The following CCDC57 variants were observed in gnomAD, a reference collection of about 807,000 sequenced individuals.
The protein encoded by CCDC57 is coiled-coil domain-containing protein 57.
In CCDC57, 118 loss-of-function variants were observed where a neutral mutation model predicts 118.9. The observed-to-expected ratio is 0.99, with a 90% CI of 0.86 to 1.16. CCDC57 has a LOEUF of 1.16. Ranked by LOEUF, CCDC57 falls within the 50% of genes most tolerant of loss-of-function variation. The pLI, the probability that CCDC57 is intolerant of heterozygous loss-of-function variation, is 0.00. For missense variants in CCDC57, 1,300 were observed against 1,320.7 expected (o/e 0.98, Z 0.24); for synonymous variants, 527 against 532.9 (o/e 0.99, Z 0.15).
At chr17:82,101,557 C>A in exon 20 of CCDC57, 1 of 808,462 alleles carries the variant, frequency 1.2e-6, no homozygotes, top group Non-Finnish European at 1.9e-6. Flanking sequence ...TGGGAGCCTG[C>A]CCTGCAGCTC....
At chr17:82,152,035 C>A (rs952507237) in intron 15 of CCDC57, 44 of 495,732 alleles carry the variant, frequency 8.9e-5, no homozygotes, top group African/African-American at 1.2e-4. Flanking sequence ...GCCCTCACAG[C>A]CCTCCGCCTC....
intron 19 of CCDC57, among the ~76,000 whole-genome samples, chr17:82,102,662 C>T (rs1349045128): frequency 1.3e-5 from 2 of 152,070 alleles, no homozygotes; most frequent in Non-Finnish European, 2.9e-5. Flanking sequence ...GTGGGTGGAT[C>T]ACCTCATGTC....
chr17:82,123,982 C>CAAAAAAAAAAAAAAAAAA (rs200031813), intron 19 of CCDC57, among the ~76,000 whole-genome samples: 1 of 64,290 alleles, frequency 1.6e-5, no homozygotes, highest in Non-Finnish European at 2.9e-5. Context: ...CATCCAAAAG[C>CAAAAAAAAAAAAAAAAAA]AAAAAAAAAA....
At chr17:82,198,501 A>G (rs1263389019) in intron 3 of CCDC57, 79 bp from the exon 3 acceptor site, 3 of 997,478 alleles carry the variant, frequency 3.0e-6, no homozygotes, top group Non-Finnish European at 4.5e-6. Flanking sequence ...TGCACTTGAC[A>G]TGTGAAAGTT....
chr17:82,151,549 C>G lies in CCDC57; in HGVS notation c.2455+11G>C. On this transcript the variant is annotated intron_variant, in intron 16 of 19. Transcript: ENST00000665763. ...CACACTCAGGCCATGGCCTCCACTTCCCGGACTCACTTTCGGGTCGGCCCA... is the reference window on the plus strand; with the variant it reads ...CACACTCAGGCCATGGCCTCCACTTGCCGGACTCACTTTCGGGTCGGCCCA... The G allele has an allele frequency of 3.2e-6, 5 of 1,549,914 alleles. No individual in the cohort carries two copies. The highest frequency in any genetic ancestry group is 4.4e-6 in the Non-Finnish European group (5 of 1,146,868).
chr17:82,132,411 C>T (rs1311947217), intron 17 of CCDC57, among the ~76,000 whole-genome samples: 2 of 152,002 alleles, frequency 1.3e-5, no homozygotes, highest in Non-Finnish European at 2.9e-5. Flanking sequence ...AGGGAGTGTT[C>T]TGGGTTAAAG....
chr17:82,182,592 G>A (rs561938557), intron 9 of CCDC57, among the ~76,000 whole-genome samples: 1 of 152,136 alleles, frequency 6.6e-6, no homozygotes, highest in South Asian at 2.1e-4. Context: ...GACCTCAGGT[G>A]ATCTGCCAGC....
intron 15 of CCDC57, chr17:82,157,250 A>T: frequency 5.4e-6 from 1 of 185,678 alleles, no homozygotes; most frequent in Non-Finnish European, 1.1e-5. Context: ...CAAGGGCCTG[A>T]CCAAAACCAG....
intron 19 of CCDC57, chr17:82,113,195 A>C (rs776692934): frequency 8.5e-6 from 5 of 586,832 alleles, no homozygotes; most frequent in Non-Finnish European, 1.2e-5. Flanking sequence ...TCCTTTCAGA[A>C]GCCACAGGTC....
chr17:82,183,713 C>A, intron 9 of CCDC57, 61 bp downstream of exon 8: 1 of 1,484,714 alleles, frequency 6.7e-7, no homozygotes, highest in Non-Finnish European at 9.1e-7. Flanking sequence ...ATCCTTAGTA[C>A]CTACAACAGC....
chr17:82,107,590 G>A (rs1468685431), intron 19 of CCDC57: 9 of 470,744 alleles, frequency 1.9e-5, no homozygotes, highest in Non-Finnish European at 4.0e-5. Context: ...GGCGGATGGA[G>A]TTGGTCTGCA....
chr17:82,183,584 G>A (rs1411585286), intron 9 of CCDC57, among the ~76,000 whole-genome samples, 190 bp downstream of exon 8: 1 of 152,102 alleles, frequency 6.6e-6, no homozygotes, highest in East Asian at 1.9e-4. Flanking sequence ...CCAGCAGGCG[G>A]CCCCTTCTGC....
At chr17:82,171,058 G>A (rs2044650245) in intron 13 of CCDC57, among the ~76,000 whole-genome samples, 1 of 151,972 alleles carries the variant, frequency 6.6e-6, no homozygotes, top group South Asian at 2.1e-4. Context: ...TGACTGCAGT[G>A]AGCAGCCAGG....
At chr17:82,147,204 A>T (rs1041820186) in intron 16 of CCDC57, among the ~76,000 whole-genome samples, 1 of 148,412 alleles carries the variant, frequency 6.7e-6, no homozygotes, top group Non-Finnish European at 1.5e-5. Context: ...ATGGATGGAT[A>T]GGTGGGTGCA....
intron 3 of CCDC57, among the ~76,000 whole-genome samples, chr17:82,200,592 T>C (rs2048876918): frequency 6.6e-6 from 1 of 151,934 alleles, no homozygotes; most frequent in African/African-American, 2.4e-5. Context: ...AAGACCAGCC[T>C]GGGCAACATG....
chr17:82,114,718 CGTG>C (rs908775401), intron 19 of CCDC57, among the ~76,000 whole-genome samples: 1 of 152,238 alleles, frequency 6.6e-6, no homozygotes, highest in Non-Finnish European at 1.5e-5. Context: ...CACCCCCAGG[CGTG>C]GTCCCACTGG....
At chr17:82,137,281 G>A (rs962457963) in intron 16 of CCDC57, among the ~76,000 whole-genome samples, 4 of 151,940 alleles carry the variant, frequency 2.6e-5, no homozygotes, top group Non-Finnish European at 5.9e-5. Context: ...TCGGCCTCCC[G>A]AAGTGCTGGG....
At chr17:82,190,095 G>C (rs571230495) in intron 7 of CCDC57, among the ~76,000 whole-genome samples, 8 of 81,728 alleles carry the variant, frequency 9.8e-5, no homozygotes, top group Non-Finnish European at 1.5e-4. Context: ...TCCCAGTATA[G>C]AGTGACCTCT....
At chr17:82,152,054 C>T (rs12943668) in intron 15 of CCDC57, 118,914 of 455,332 alleles carry the variant, frequency 0.26, 17,585 homozygotes, top group Non-Finnish European at 0.32. Flanking sequence ...TCCTCCCCGC[C>T]ATCCCTGCCT....
Sources: gnomAD v4.1 joint callset for allele counts (sites outside exome capture counted in the v4.1 genomes callset) on GRCh38, gnomAD v4.1.1 for gene constraint, MANE v1.5 for transcripts, NCBI Gene and HGNC (gene_info 2026-07-23, HGNC 2026-07-21) for gene names.